The following ZNF444 variants were observed in gnomAD, a reference collection of about 807,000 sequenced individuals.
The protein encoded by ZNF444 is endothelial zinc finger protein 2.
ZNF444 carries 8 observed loss-of-function variants against 14.4 expected under a neutral mutation model. That is an observed-to-expected ratio of 0.56 (90% CI 0.33 to 1.00). ZNF444 has a LOEUF of 1.00. ZNF444 is among the 50% of genes least tolerant of loss of function. The pLI, the probability that ZNF444 is intolerant of heterozygous loss-of-function variation, is 0.03. For synonymous variants in ZNF444, 258 were observed against 235.9 expected (o/e 1.09, Z -0.86); for missense variants, 510 against 504.8 (o/e 1.01, Z -0.10).
intron 4 of ZNF444, 84 bp downstream of exon 4, chr19:56,158,686 C>CAGGACA (rs2032060440): frequency 1.6e-6 from 2 of 1,256,498 alleles, no homozygotes; most frequent in Non-Finnish European, 2.2e-6. Flanking sequence ...CACCAGGACC[C>CAGGACA]AGGACAAGGA....
At chr19:56,156,399 G>A (rs533896691) in intron 3 of ZNF444, 2 of 152,202 alleles carry the variant, frequency 1.3e-5, no homozygotes, top group East Asian at 1.9e-4. Context: ...CGAGTAGACC[G>A]AGCGGGGAAA....
chr19:56,157,746 C>G (rs2637084), intron 3 of ZNF444: 48,959 of 152,036 alleles, frequency 0.32, 10,800 homozygotes, highest in African/African-American at 0.61. Flanking sequence ...TTGTGATCCA[C>G]GTACTCCTCT....
intron 3 of ZNF444, among the ~76,000 whole-genome samples, chr19:56,153,867 A>G (rs901139168): frequency 6.6e-6 from 1 of 152,222 alleles, no homozygotes; most frequent in African/African-American, 2.4e-5. Context: ...GGAAAATAGC[A>G]CAGGGTAGCT....
At chr19:56,156,536 A>T (rs1208931027) in intron 3 of ZNF444, 1 of 152,060 alleles carries the variant, frequency 6.6e-6, no homozygotes, top group Non-Finnish European at 1.5e-5. Flanking sequence ...GGTCAGAAAA[A>T]TTTTTTATGG....
Position 56,159,762 on chromosome 19 carries a change from C to CCGAGTG in ZNF444, c.548_553dup (p.Glu183_Cys184dup), listed in dbSNP as rs2032160608. 1 of 1,592,612 alleles carries CCGAGTG rather than the reference C, an allele frequency of 6.3e-7. No individual in the cohort carries two copies. Among genetic ancestry groups the CCGAGTG allele is most frequent in the Non-Finnish European group, 8.5e-7 (1 of 1,173,428 alleles). On this transcript the variant is annotated inframe_insertion, in exon 5 of 5. Transcript: ENST00000337080. ...GCGGCCCCGGGCACCACGTCCTGCC[C>CCGAGTG]CGAGTGCGGCAAAACGTCCCTGAAA...
Position 56,159,909 on chromosome 19 carries a change from G to A in ZNF444, c.692G>A (p.Gly231Asp). The A allele has an allele frequency of 7.3e-7, 1 of 1,376,166 alleles. No individual in the cohort carries two copies. Among genetic ancestry groups the A allele is most frequent in the South Asian group, 1.3e-5 (1 of 79,042 alleles). 85.2% of individuals were successfully genotyped at this position (1,376,166 alleles called of 1,614,324 possible). A position where few individuals can be genotyped will look rare whatever the true frequency, so the allele number is the denominator to read the frequency against. The change falls in exon 5 of 5, where the codon GGC becomes GAC. Residue 231 changes from glycine (G) to aspartate (D), a missense_variant. Physicochemically the swap from Gly to Asp is moderately conservative, Grantham distance 94. Coordinates refer to ENST00000337080, the MANE Select transcript of ZNF444 (RefSeq NM_018337.4). ...HLRRHRDTHP[G>D]SPGSPGPALR... ...CGGCGCCACCGCGACACGCACCCCG[G>A]CAGCCCCGGCAGCCCCGGGCCCGCG...
At chr19:56,153,696 G>T (rs998531775) in intron 3 of ZNF444, among the ~76,000 whole-genome samples, 1 of 152,170 alleles carries the variant, frequency 6.6e-6, no homozygotes, top group Non-Finnish European at 1.5e-5. Flanking sequence ...TCTGCCAATC[G>T]GGGAAGTGCA....
chr19:56,142,165 C>T (rs1030616783), intron 1 of ZNF444: 1 of 152,194 alleles, frequency 6.6e-6, no homozygotes, highest in African/African-American at 2.4e-5. Flanking sequence ...ATAGCAGTGT[C>T]CCCTGGGCAC....
At position 56,159,789 on chromosome 19, in the gene ZNF444, C is replaced by G. The variant is rs1599912083; in HGVS notation, c.572C>G (p.Pro191Arg). The G allele has an allele frequency of 6.3e-7, 1 of 1,593,498 alleles. No homozygotes were observed. Among genetic ancestry groups the G allele is most frequent in the Non-Finnish European group, 8.5e-7 (1 of 1,174,220 alleles). The change falls in exon 5 of 5, where the codon CCA becomes CGA. Residue 191 changes from proline (P) to arginine (R), a missense_variant. Transcript: ENST00000337080. ...GAGTGCGGCAAAACGTCCCTGAAACCAGCTCACCTGCTGCGCCACCGGCAG... is the reference window on the plus strand; with the variant it reads ...GAGTGCGGCAAAACGTCCCTGAAACGAGCTCACCTGCTGCGCCACCGGCAG... ...CPECGKTSLKPAHLLRHRQSH... is the reference protein window; with the variant it reads ...CPECGKTSLKRAHLLRHRQSH...
chr19:56,147,188 G>A lies in ZNF444; in HGVS notation c.277G>A (p.Ala93Thr). The stretch of plus-strand genomic sequence containing the variant: ...GCCGCAGAGCGGGGAGGAGGCGGTG[G>A]CCCTGCTGGAGGAGCTCTGGGTGAG... ...RQPQSGEEAV[A>T]LLEELWGPAA... Residue 93 changes from alanine to threonine, a missense_variant, in exon 3 of 5, where the codon GCC becomes ACC. Transcript: ENST00000337080. The surrounding 1 kb of genome is among the most constrained non-coding windows in gnomAD (Gnocchi z 5.9). 5 of 1,459,920 alleles carry A rather than the reference G, an allele frequency of 3.4e-6. No individual in the cohort carries two copies. Among genetic ancestry groups the A allele is most frequent in the Non-Finnish European group, 4.5e-6 (5 of 1,111,174 alleles). The allele number at this position is 1,459,920 out of a possible 1,614,324, so 90.4% of individuals were successfully genotyped here. A position where few individuals can be genotyped will look rare whatever the true frequency, so the allele number is the denominator to read the frequency against.
At chr19:56,135,543 C>G (rs940163494) in intron 1 of ZNF444, among the ~76,000 whole-genome samples, 1 of 152,058 alleles carries the variant, frequency 6.6e-6, no homozygotes, top group Admixed American at 6.6e-5. Flanking sequence ...GCTCCCACTA[C>G]CAGCCCTCAT....
intron 1 of ZNF444, among the ~76,000 whole-genome samples, chr19:56,134,503 AG>A (rs2030567245): frequency 6.6e-6 from 1 of 152,082 alleles, no homozygotes; most frequent in Admixed American, 6.6e-5. Flanking sequence ...ATGGAGAAAG[AG>A]GGGGCTCTGC....
At chr19:56,139,502 C>T (rs142288256), upstream of ZNF444, among the ~76,000 whole-genome samples, 741 of 152,140 alleles carry the variant, frequency 4.9e-3, 2 homozygotes, top group Middle Eastern at 0.017. Flanking sequence ...GCCTGGCCAA[C>T]ATGGCAAACC....
At chr19:56,141,226 C>T, upstream of ZNF444, 1 of 111,258 alleles carries the variant, frequency 9.0e-6, no homozygotes, top group Non-Finnish European at 1.8e-5. Context: ...ACGAGCGGCT[C>T]GGAGTATGGG....
intron 3 of ZNF444, among the ~76,000 whole-genome samples, chr19:56,153,091 T>G (rs1014703090): frequency 1.3e-5 from 2 of 151,958 alleles, no homozygotes; most frequent in African/African-American, 4.8e-5. Flanking sequence ...GCCACTGGAG[T>G]TGGGGACCAC....
rs556638482 is a variant in ZNF444 at position 56,144,972 on chromosome 19, T to G, written c.-196-1275T>G. On this transcript the variant is annotated intron_variant, in intron 1 of 4. Coordinates refer to ENST00000337080, the MANE Select transcript of ZNF444 (RefSeq NM_018337.4). The surrounding 1 kb of genome is among the most constrained non-coding windows in gnomAD (Gnocchi z 4.0). ...GTAAAGAGCCAGCGAGTGACTATCT[T>G]TGGCTCTGTGGACAGCCTTACAGGC... is the stretch of plus-strand genomic sequence containing the variant. Among the ~76,000 whole-genome samples, 1 of 152,364 alleles carries G rather than the reference T, an allele frequency of 6.6e-6. No homozygotes were observed. Among genetic ancestry groups the G allele is most frequent in the South Asian group, 2.1e-4 (1 of 4,830 alleles).
In ZNF444 at chr19:56,147,024, T is replaced by C. The variant is rs1198163591; in HGVS notation, c.113T>C (p.Leu38Pro). 2 of 1,497,146 alleles carry C rather than the reference T, an allele frequency of 1.3e-6. No homozygotes were observed. The highest frequency in any genetic ancestry group is 1.8e-6 in the Non-Finnish European group (2 of 1,132,978). 92.7% of individuals were successfully genotyped at this position (1,497,146 alleles called of 1,614,324 possible). Reference sequence around the variant, plus strand: ...GACGCGCCGGGCCCGCGGGAGGCGCTGGGGCTGCTCCGCGCCCTGTGCCGG... The same window carrying C: ...GACGCGCCGGGCCCGCGGGAGGCGCCGGGGCTGCTCCGCGCCCTGTGCCGG... Reference protein sequence around the residue: ...LGDAPGPREALGLLRALCRDW... With the variant: ...LGDAPGPREAPGLLRALCRDW... Residue 38 changes from leucine (L) to proline (P), a missense_variant, in exon 3 of 5, where the codon CTG becomes CCG. Physicochemically the swap from Leu to Pro is moderately conservative, Grantham distance 98. Coordinates refer to ENST00000337080, the MANE Select transcript of ZNF444 (RefSeq NM_018337.4). This position sits in a 1 kb window ranked among gnomAD's most constrained non-coding sequence, Gnocchi z 5.9.
upstream of ZNF444, chr19:56,140,841 C>G (rs1474799810): frequency 3.9e-5 from 6 of 152,466 alleles, no homozygotes; most frequent in African/African-American, 1.4e-4. Context: ...CCCGGCCTCC[C>G]CTGATCTCCA....
chr19:56,134,040 C>A (rs1033929830), intron 1 of ZNF444, among the ~76,000 whole-genome samples: 4 of 151,950 alleles, frequency 2.6e-5, no homozygotes, highest in Non-Finnish European at 4.4e-5. Context: ...GACATCCATA[C>A]GCCATCCCCC....
Sources: gnomAD v4.1 joint callset for allele counts (sites outside exome capture counted in the v4.1 genomes callset) on GRCh38, gnomAD v4.1.1 for gene constraint, Gnocchi (gnomAD v3.1) non-coding constraint, MANE v1.5 for transcripts, NCBI Gene and HGNC (gene_info 2026-07-23, HGNC 2026-07-21) for gene names.